The following UPF3B variants were observed in gnomAD, a reference collection of about 807,000 sequenced individuals.
UPF3B encodes the protein regulator of nonsense transcripts 3B.
A neutral mutation model predicts 40.3 loss-of-function variants in UPF3B; 7 were observed. The ratio of observed to expected loss-of-function variants is 0.17; its 90% CI spans 0.10 to 0.33. The LOEUF (loss-of-function observed/expected upper bound fraction) is 0.33. Ranked by LOEUF, UPF3B falls within the 10% of genes least tolerant of loss-of-function variation. UPF3B has a pLI of 1.00. For missense variants in UPF3B, 229 were observed against 358.9 expected, an observed-to-expected ratio of 0.64 and a Z score of 2.93; for synonymous variants, 117 against 117.3, an observed-to-expected ratio of 1.00 and a Z score of 0.01.
chrX:119,850,674 T>C (rs2056291974), intron 3 of UPF3B, among the ~76,000 whole-genome samples: 1 of 112,423 alleles, frequency 8.9e-6, no homozygotes, highest in Admixed American at 9.4e-5. Flanking sequence ...AATAGAGTGT[T>C]AAAGTAGAAA....
At chrX:119,852,652 C>T in intron 1 of UPF3B, 121 bp downstream of exon 1, 1 of 1,081,210 alleles carries the variant, frequency 9.2e-7, no homozygotes, top group Non-Finnish European at 1.3e-6. Flanking sequence ...ATGCGACTTC[C>T]ATTCAGGCGA....
intron 1 of UPF3B, among the ~76,000 whole-genome samples, chrX:119,852,489 A>C (rs2056314362): frequency 9.0e-6 from 1 of 110,996 alleles, no homozygotes; most frequent in Non-Finnish European, 1.9e-5. Flanking sequence ...TTAGTTCCTC[A>C]TTCTTTATAC....
At chrX:119,849,573 G>A (rs1300975242) in intron 3 of UPF3B, among the ~76,000 whole-genome samples, 2 of 110,476 alleles carry the variant, frequency 1.8e-5, no homozygotes, top group African/African-American at 6.6e-5. Context: ...TGATATATTT[G>A]AGAAGGAATA....
chrX:119,826,181 G>A (rs1372286342), intron 3 of UPF3B, among the ~76,000 whole-genome samples: 2 of 105,174 alleles, frequency 1.9e-5, no homozygotes, highest in Non-Finnish European at 3.9e-5. Context: ...AAGGACCAAC[G>A]ATTAACAGCA....
intron 6 of UPF3B, chrX:119,807,449 T>C (rs369714677): frequency 9.9e-4 from 393 of 398,269 alleles, no homozygotes; most frequent in Non-Finnish European, 1.4e-3. Context: ...CCTTCCTCCT[T>C]CTTTTCTATG....
In UPF3B at chrX:119,828,396, GCA is replaced by G. The variant is rs1216273129; in HGVS notation, c.392+3254_392+3255del. On this transcript the variant is annotated intron_variant, in intron 3 of 6. Coordinates refer to the UPF3B transcript ENST00000636792. Reference sequence around the variant, plus strand: ...CTTTTGAAAATCCATATGAGGCTGGGCACAGTGGCTCATGCCTGTAATCTCAG... The same window carrying G: ...CTTTTGAAAATCCATATGAGGCTGGGCAGTGGCTCATGCCTGTAATCTCAG... 8.0e-5 allele frequency among the ~76,000 whole-genome samples: 9 copies of G among 111,922 alleles called. No homozygotes were observed. In the East Asian group the frequency reaches 2.6e-3, roughly 32 times the overall value.
rs771532437 is a variant in UPF3B, at chrX:119,818,724, C to T, written c.495-3417G>A. Among the ~76,000 whole-genome samples the T allele has an allele frequency of 1.5e-4, 17 of 112,141 alleles. No homozygotes were observed. The South Asian group carries it at 4.4e-3, about 29-fold the overall frequency. ...CTGCAGACAAGAACAGAGATTTCAACGGAAATTTTAAACAAGTGAGATCTA... is the reference window on the plus strand; with the variant it reads ...CTGCAGACAAGAACAGAGATTTCAATGGAAATTTTAAACAAGTGAGATCTA... On this transcript the variant is annotated intron_variant, in intron 4 of 6. Coordinates refer to the UPF3B transcript ENST00000636792.
At chrX:119,823,658 A>C (rs2055948528) in intron 3 of UPF3B, among the ~76,000 whole-genome samples, 1 of 97,330 alleles carries the variant, frequency 1.0e-5, no homozygotes. Flanking sequence ...CTGCCTCCCC[A>C]GTTCAAGCGA....
chrX:119,820,819 T>TAA (rs1280180867), intron 4 of UPF3B, among the ~76,000 whole-genome samples: 1 of 111,453 alleles, frequency 9.0e-6, no homozygotes, highest in Non-Finnish European at 1.9e-5. Context: ...CTCATGCGTA[T>TAA]AATCCCAGCA....
chrX:119,826,468 C>T (rs752263216), intron 3 of UPF3B, among the ~76,000 whole-genome samples: 11 of 110,733 alleles, frequency 9.9e-5, no homozygotes, highest in African/African-American at 3.6e-4. Context: ...GGCGACAGGG[C>T]GAGTCCACGT....
chrX:119,834,828 T>A lies in UPF3B; in HGVS notation c.*50A>T, dbSNP rs374673545. On this transcript the variant is annotated 3_prime_UTR_variant, in exon 11 of 11. Transcript: ENST00000276201. ...AGGCACCTCTGGATTGCTTAACGTG[T>A]GCTCTTTGGCTGCCTAGACAGTCAG... The A allele has an allele frequency of 8.3e-7, 1 of 1,208,803 alleles. No homozygotes were observed. The highest frequency in any genetic ancestry group is 1.1e-6 in the Non-Finnish European group (1 of 895,219).
intron 5 of UPF3B, among the ~76,000 whole-genome samples, chrX:119,810,814 A>AT (rs34901145): frequency 9.0e-6 from 1 of 110,518 alleles, no homozygotes; most frequent in African/African-American, 3.3e-5. Context: ...AAAGGGTACC[A>AT]TTTTTTTTCC....
At chrX:119,814,859 C>CTTTTTTTTT (rs140201169) in intron 5 of UPF3B, among the ~76,000 whole-genome samples, 9 of 46,260 alleles carry the variant, frequency 1.9e-4, no homozygotes, top group Non-Finnish European at 2.7e-4. Context: ...TTCTTTCTTT[C>CTTTTTTTTT]TTTTTTTTTT....
chrX:119,834,285 AAACT>A lies in UPF3B; in HGVS notation c.*589_*592del, dbSNP rs1238392913. 12 of 754,586 alleles carry A rather than the reference AAACT, an allele frequency of 1.6e-5. No homozygotes were observed. In the African/African-American group the frequency reaches 2.5e-4, roughly 16 times the overall value. 62.2% of individuals were successfully genotyped at this position (754,586 alleles called of 1,213,427 possible). ...CGCTAAGCTCATATAAGCAAACAAA[AAACT>A]AAAACTAATCCTAAAACTTTAGGAC... On this transcript the variant is annotated 3_prime_UTR_variant, in exon 11 of 11. Transcript: ENST00000276201.
chrX:119,851,841 G>A lies in UPF3B; in HGVS notation c.189C>T (p.Thr63=). ...GAAGATGTTCCTGAAGCTGCTCCTT[G>A]GTCAAAGTGGGAGGTAATCTTCGAA... ...VVIRRLPPTL[T]KEQLQEHLQP... Residue 63 remains threonine (T), a synonymous_variant, in exon 2 of 11, where the codon ACC becomes ACT. Coordinates refer to ENST00000276201, the MANE Select transcript of UPF3B (RefSeq NM_080632.3). 2 of 1,190,150 alleles carry A rather than the reference G, an allele frequency of 1.7e-6. No homozygotes were observed. Among genetic ancestry groups the A allele is most frequent in the Non-Finnish European group, 2.3e-6 (2 of 885,856 alleles).
chrX:119,819,633 T>C (rs2055894156), intron 4 of UPF3B, among the ~76,000 whole-genome samples: 1 of 111,432 alleles, frequency 9.0e-6, no homozygotes, highest in Non-Finnish European at 1.9e-5. Context: ...ATTTCATTGA[T>C]GTGGTTAAAT....
At chrX:119,814,304 A>T (rs1272269520) in intron 5 of UPF3B, among the ~76,000 whole-genome samples, 1 of 112,255 alleles carries the variant, frequency 8.9e-6, no homozygotes. Context: ...TTAATAAAAA[A>T]AATGCTGGAG....
chrX:119,835,260 G>A (rs964041326), intron 10 of UPF3B, among the ~76,000 whole-genome samples: 2 of 111,252 alleles, frequency 1.8e-5, no homozygotes, highest in Admixed American at 1.9e-4. Flanking sequence ...TTTGGAGATA[G>A]GGCCTCACCC....
intron 8 of UPF3B, among the ~76,000 whole-genome samples, chrX:119,838,734 C>T (rs1343354585): frequency 1.8e-5 from 2 of 111,272 alleles, no homozygotes; most frequent in Admixed American, 9.6e-5. Context: ...TCCACTTGAA[C>T]GAAGTGGTTT....
Sources: gnomAD v4.1 joint callset for allele counts (sites outside exome capture counted in the v4.1 genomes callset) on GRCh38, gnomAD v4.1.1 for gene constraint, MANE v1.5 for transcripts, NCBI Gene and HGNC (gene_info 2026-07-23, HGNC 2026-07-21) for gene names.